The following EIF2AK3 variants were observed in gnomAD, a reference collection of about 807,000 sequenced individuals.
EIF2AK3 encodes eukaryotic translation initiation factor 2-alpha kinase 3.
Under a neutral mutation model 113.5 loss-of-function variants are expected in EIF2AK3, and 50 were observed. The ratio of observed to expected loss-of-function variants is 0.44; its 90% confidence interval spans 0.35 to 0.56. The LOEUF is 0.56. EIF2AK3 is among the 20% of genes least tolerant of loss of function. The probability of loss-of-function intolerance (pLI) is 0.00; values close to 1 mark genes in which losing one functional copy is unlikely to be tolerated. For missense variants in EIF2AK3, 1,185 were observed against 1,378.0 expected, an observed-to-expected ratio of 0.86 and a Z score of 2.22; for synonymous variants, 448 against 495.4, an observed-to-expected ratio of 0.90 and a Z score of 1.27.
intron 11 of EIF2AK3, among the ~76,000 whole-genome samples, chr2:88,577,802 T>C (rs1220142687): frequency 2.6e-5 from 4 of 152,172 alleles, no homozygotes; most frequent in Non-Finnish European, 5.9e-5. Context: ...GCTCGGGCCA[T>C]TTCATGCACT....
intron 14 of EIF2AK3, among the ~76,000 whole-genome samples, chr2:88,565,892 G>A (rs1004786220): frequency 6.6e-6 from 1 of 151,984 alleles, no homozygotes; most frequent in African/African-American, 2.4e-5. Flanking sequence ...TAATTACCAG[G>A]GCCAATAGAT....
At chr2:88,608,811 G>A (rs1263839279) in intron 2 of EIF2AK3, among the ~76,000 whole-genome samples, 1 of 142,206 alleles carries the variant, frequency 7.0e-6, no homozygotes, top group African/African-American at 2.6e-5. Flanking sequence ...AGGCCCAAGT[G>A]ATCCTCCCAC....
rs2104429381 is a variant in EIF2AK3 at position 88,585,907 on chromosome 2, C to T, written c.1584G>A (p.Thr528=). 2.5e-6 allele frequency: 4 copies of T among 1,614,064 alleles called. No individual in the cohort carries two copies. The highest frequency in any genetic ancestry group is 1.1e-5 in the South Asian group (1 of 91,078). The stretch of plus-strand genomic sequence containing the variant: ...TTGTTGCTATGATACAAAACAAAAT[C>T]GTTGCAACTATTTCTTTCCACCAGT... ...LLHWWKEIVA[T]ILFCIIATTF... The change falls in exon 9 of 17, where the codon ACG becomes ACA. Residue 528 remains threonine, a synonymous_variant. Coordinates refer to ENST00000303236, the MANE Select transcript of EIF2AK3 (RefSeq NM_004836.7).
At chr2:88,583,263 G>C (rs1674640376) in intron 10 of EIF2AK3, among the ~76,000 whole-genome samples, 167 bp downstream of exon 10, 1 of 150,700 alleles carries the variant, frequency 6.6e-6, no homozygotes, top group Non-Finnish European at 1.5e-5. Flanking sequence ...TCTTTCTTAG[G>C]GTATATACCA....
At chr2:88,559,749 T>A (rs1296796847) in intron 15 of EIF2AK3, among the ~76,000 whole-genome samples, 1 of 152,202 alleles carries the variant, frequency 6.6e-6, no homozygotes, top group Non-Finnish European at 1.5e-5. Context: ...TCACTCAGCA[T>A]GTTTTCAAGA....
At chr2:88,619,402 A>C (rs1675664291) in intron 1 of EIF2AK3, among the ~76,000 whole-genome samples, 1 of 152,282 alleles carries the variant, frequency 6.6e-6, no homozygotes, top group East Asian at 1.9e-4. Context: ...CTATAGTATG[A>C]CAGCCCCCAA....
chr2:88,572,630 C>A (rs1674341627), intron 13 of EIF2AK3, among the ~76,000 whole-genome samples: 1 of 152,216 alleles, frequency 6.6e-6, no homozygotes, highest in Non-Finnish European at 1.5e-5. Context: ...ATCACTTGAT[C>A]TCAGCTAAAG....
intron 12 of EIF2AK3, chr2:88,575,657 A>G: frequency 4.9e-6 from 3 of 607,390 alleles, no homozygotes; most frequent in Non-Finnish European, 5.8e-6. Context: ...TTTAAAGCTT[A>G]ATTTTATACA....
chr2:88,619,000 C>CTT (rs749982072), intron 1 of EIF2AK3, among the ~76,000 whole-genome samples: 11 of 140,682 alleles, frequency 7.8e-5, no homozygotes, highest in Middle Eastern at 3.7e-3. Flanking sequence ...ATCTATCATT[C>CTT]TTTTTTTTTT....
intron 16 of EIF2AK3, 127 bp from the exon 17 acceptor site, chr2:88,558,063 G>T: frequency 1.1e-6 from 1 of 902,222 alleles, no homozygotes; most frequent in Non-Finnish European, 1.7e-6. Flanking sequence ...GAGTTTTCAA[G>T]TCTCTGATAC....
chr2:88,599,174 C>T lies in EIF2AK3; in HGVS notation c.439-3511G>A, dbSNP rs562073560. 1.8e-4 allele frequency among the ~76,000 whole-genome samples: 27 copies of T among 152,136 alleles called. No individual in the cohort carries two copies. The South Asian group carries it at 5.6e-3, about 32-fold the overall frequency. Reference sequence around the variant, plus strand: ...GACCATACCATTAAATGAAGGTTTACCATAATTCTAGACATTTAAGGGTTC... The same window carrying T: ...GACCATACCATTAAATGAAGGTTTATCATAATTCTAGACATTTAAGGGTTC... On this transcript the variant is annotated intron_variant, in intron 2 of 16. Transcript: ENST00000303236.
intron 4 of EIF2AK3, among the ~76,000 whole-genome samples, chr2:88,591,422 T>A (rs1361594362): frequency 6.6e-6 from 1 of 152,164 alleles, no homozygotes; most frequent in Non-Finnish European, 1.5e-5. Flanking sequence ...TACCTCTTAA[T>A]TAAAGGCAGG....
At position 88,576,644 on chromosome 2, in the gene EIF2AK3, G is replaced by A. The variant is rs752306602; in HGVS notation, c.1946C>T (p.Pro649Leu). 23 of 1,614,030 alleles carry A rather than the reference G, an allele frequency of 1.4e-5. No individual in the cohort carries two copies. In the South Asian group the frequency reaches 1.9e-4, roughly 13 times the overall value. Residue 649 changes from proline to leucine, a missense_variant, in exon 12 of 17, where the codon CCG becomes CTG. Around this residue, in one of 3 missense-constraint regions of EIF2AK3, gnomAD observed 877 missense variants for 1,024.2 expected, o/e 0.86. Transcript: ENST00000303236. ...EVKALAKLEHPGIVRYFNAWL... is the reference protein window; with the variant it reads ...EVKALAKLEHLGIVRYFNAWL... ...GGCATTGAAATATCTAACAATGCCC[G>A]GGTGTTCAAGCTTGGCTAAGGCTTT...
chr2:88,607,784 T>G (rs1675327707), intron 2 of EIF2AK3, among the ~76,000 whole-genome samples: 1 of 152,242 alleles, frequency 6.6e-6, no homozygotes, highest in African/African-American at 2.4e-5. Context: ...TTCTTTATTT[T>G]CAGAAGAATC....
At chr2:88,604,708 A>C (rs1675227437) in intron 2 of EIF2AK3, among the ~76,000 whole-genome samples, 1 of 152,172 alleles carries the variant, frequency 6.6e-6, no homozygotes, top group Admixed American at 6.5e-5. Context: ...TGGATGTGTT[A>C]AGTTTTGGTG....
At position 88,585,942 on chromosome 2, in the gene EIF2AK3, G is replaced by A; in HGVS notation, c.1549C>T (p.Leu517Phe). 6.2e-7 allele frequency: 1 copy of A among 1,614,136 alleles called. No individual in the cohort carries two copies. Among genetic ancestry groups the A allele is most frequent in the Non-Finnish European group, 8.5e-7 (1 of 1,179,992 alleles). ...ATTTCTTTCCACCAGTGTAAAAGAA[G>A]AACAGGATCCTTTTTGCGGATATTC... ...NKNIRKKDPV[L>F]LLHWWKEIVA... Residue 517 changes from leucine (L) to phenylalanine (F), a missense_variant, in exon 9 of 17, where the codon CTT (leucine) becomes TTT (phenylalanine). This residue lies in a region of EIF2AK3 where 877 missense variants were observed against 1,024.2 expected (regional missense o/e 0.86). Transcript: ENST00000303236.
At chr2:88,564,442 T>G (rs1188989172) in intron 14 of EIF2AK3, among the ~76,000 whole-genome samples, 1 of 152,168 alleles carries the variant, frequency 6.6e-6, no homozygotes, top group Non-Finnish European at 1.5e-5. Flanking sequence ...CACTATACAT[T>G]GCCATAAAAT....
chr2:88,595,421 C>T (rs1390978340), intron 3 of EIF2AK3, 48 bp downstream of exon 3: 8 of 1,563,040 alleles, frequency 5.1e-6, no homozygotes, highest in Non-Finnish European at 7.0e-6. Context: ...CTTTTTCTAC[C>T]CTAATTTACT....
Position 88,574,878 on chromosome 2 carries a change from T to C in EIF2AK3, c.2605A>G (p.Lys869Glu). 1.2e-6 allele frequency: 2 copies of C among 1,614,206 alleles called. No individual in the cohort carries two copies. The highest frequency in any genetic ancestry group is 1.7e-6 in the Non-Finnish European group (2 of 1,180,028). ...GGCTGGAGTTTTTCTGTGGTGTTTTTAGTGAGATCTAAACTTAAAGTGGTT... is the reference window on the plus strand; with the variant it reads ...GGCTGGAGTTTTTCTGTGGTGTTTTCAGTGAGATCTAAACTTAAAGTGGTT... ...RPTTLSLDLT[K>E]NTTEKLQPSS... The change falls in exon 13 of 17, where the codon AAA becomes GAA. Residue 869 changes from lysine (K) to glutamate (E), a missense_variant. This residue lies in a region of EIF2AK3 where 877 missense variants were observed against 1,024.2 expected (regional missense o/e 0.86). Transcript: ENST00000303236.
Sources: allele counts gnomAD v4.1 joint callset (sites outside exome capture counted in the v4.1 genomes callset), GRCh38; gene constraint gnomAD v4.1.1; regional missense constraint gnomAD v4.1.1; transcripts MANE v1.5; gene names NCBI Gene and HGNC (gene_info 2026-07-23, HGNC 2026-07-21).